The following FBXO42 variants were observed in gnomAD, a reference collection of about 807,000 sequenced individuals.
FBXO42 encodes F-box only protein 42.
In FBXO42, 12 loss-of-function variants were observed where a neutral mutation model predicts 71.7. The observed-to-expected ratio is 0.17, with a 90% CI of 0.11 to 0.27. FBXO42 has a LOEUF of 0.27. Among genes scored for constraint, FBXO42 ranks in the 10% least tolerant of loss-of-function variants. The probability of loss-of-function intolerance (pLI) is 1.00; values close to 1 mark genes in which losing one functional copy is unlikely to be tolerated. For synonymous variants in FBXO42, 325 were observed against 327.5 expected (o/e 0.99, Z 0.08); for missense variants, 707 against 911.9 (o/e 0.78, Z 2.89).
intron 3 of FBXO42, among the ~76,000 whole-genome samples, chr1:16,296,666 A>C (rs1569876811): frequency 6.6e-6 from 1 of 151,504 alleles, no homozygotes. Flanking sequence ...AAAAAAAAAA[A>C]AACAAAAACA....
chr1:16,265,314 C>T (rs2081759222), intron 4 of FBXO42, among the ~76,000 whole-genome samples: 1 of 152,150 alleles, frequency 6.6e-6, no homozygotes, highest in African/African-American at 2.4e-5. Context: ...TGGTCTCGAA[C>T]TCCCAACCTC....
At chr1:16,348,472 G>A (rs993803079) in intron 1 of FBXO42, among the ~76,000 whole-genome samples, 1 of 152,124 alleles carries the variant, frequency 6.6e-6, no homozygotes, top group African/African-American at 2.4e-5. Flanking sequence ...GCAAAGGTGG[G>A]CGGATCACAT....
chr1:16,320,632 T>C (rs1157265969), intron 1 of FBXO42, among the ~76,000 whole-genome samples: 2 of 151,824 alleles, frequency 1.3e-5, no homozygotes, highest in Non-Finnish European at 2.9e-5. Context: ...GCCTCCCAAG[T>C]AGCTGGCGCA....
chr1:16,327,625 A>G (rs1408701567), intron 1 of FBXO42, among the ~76,000 whole-genome samples: 1 of 152,218 alleles, frequency 6.6e-6, no homozygotes, highest in African/African-American at 2.4e-5. Context: ...AGTAACACAG[A>G]AAAGTGACCA....
intron 4 of FBXO42, among the ~76,000 whole-genome samples, chr1:16,288,266 C>T (rs1019342348): frequency 1.3e-5 from 2 of 151,620 alleles, no homozygotes; most frequent in Non-Finnish European, 2.9e-5. Flanking sequence ...CCCATCTCTA[C>T]CAAAAATACA....
Position 16,250,763 on chromosome 1 carries a change from T to C in FBXO42, c.2061A>G (p.Glu687=). 1 of 1,614,088 alleles carries C rather than the reference T, an allele frequency of 6.2e-7. No homozygotes were observed. Among genetic ancestry groups the C allele is most frequent in the Non-Finnish European group, 8.5e-7 (1 of 1,180,020 alleles). The stretch of plus-strand genomic sequence containing the variant: ...CCATGAGTCCTCCAAATATGATGAG[T>C]TCACCCCTGCCTTGTACCACGGTAT... ...SLHTVVQGRG[E]LIIFGGLMDK... Residue 687 remains glutamate, a synonymous_variant, in exon 10 of 10, where the codon GAA becomes GAG. Transcript: ENST00000375592. The surrounding 1 kb of genome is among the most constrained non-coding windows in gnomAD (Gnocchi z 4.7).
chr1:16,327,076 A>T (rs1330762268), intron 1 of FBXO42, among the ~76,000 whole-genome samples: 1 of 152,122 alleles, frequency 6.6e-6, no homozygotes, highest in Non-Finnish European at 1.5e-5. Flanking sequence ...ACTACTTGAG[A>T]GCAGAGACTA....
chr1:16,320,927 A>G (rs868757926), intron 1 of FBXO42, among the ~76,000 whole-genome samples: 14 of 152,176 alleles, frequency 9.2e-5, no homozygotes, highest in Non-Finnish European at 1.0e-4. Flanking sequence ...TAAATTAAAT[A>G]GTTGCTCCCT....
In FBXO42 at chr1:16,246,963, T is replaced by C. The variant is rs936981031; in HGVS notation, c.*3707A>G. On this transcript the variant is annotated 3_prime_UTR_variant, in exon 10 of 10. Coordinates refer to ENST00000375592, the MANE Select transcript of FBXO42 (RefSeq NM_018994.3). ...TCCATGTTTCATTCCTACACTGTTATGTGCCCAAAATGACTATCTCAGGGT... is the reference window on the plus strand; with the variant it reads ...TCCATGTTTCATTCCTACACTGTTACGTGCCCAAAATGACTATCTCAGGGT... 1 of 152,252 alleles carries C rather than the reference T, an allele frequency of 6.6e-6. No individual in the cohort carries two copies. The highest frequency in any genetic ancestry group is 1.5e-5 in the Non-Finnish European group (1 of 68,046). 9.4% of individuals were successfully genotyped at this position (152,252 alleles called of 1,614,324 possible).
chr1:16,330,728 G>A (rs2082491628), intron 1 of FBXO42, among the ~76,000 whole-genome samples: 1 of 151,938 alleles, frequency 6.6e-6, no homozygotes, highest in African/African-American at 2.4e-5. Context: ...ATCACCTGAG[G>A]TCAGGAGTTT....
At chr1:16,284,540 TAAAA>T (rs941808702) in intron 4 of FBXO42, among the ~76,000 whole-genome samples, 1 of 152,036 alleles carries the variant, frequency 6.6e-6, no homozygotes, top group Non-Finnish European at 1.5e-5. Context: ...TCTGTCATCT[TAAAA>T]AAACGAGCTG....
intron 3 of FBXO42, among the ~76,000 whole-genome samples, chr1:16,298,846 A>G (rs1181889522): frequency 6.6e-6 from 1 of 151,974 alleles, no homozygotes; most frequent in Admixed American, 6.6e-5. Flanking sequence ...ACTAGTGTCC[A>G]TTATAACATT....
chr1:16,343,488 G>A (rs1224248439), intron 1 of FBXO42, among the ~76,000 whole-genome samples: 4 of 152,108 alleles, frequency 2.6e-5, no homozygotes, highest in African/African-American at 9.7e-5. Context: ...AGAGGTTGTA[G>A]TAAGCAGAGA....
chr1:16,288,714 T>C (rs1489551926), intron 4 of FBXO42, among the ~76,000 whole-genome samples: 1 of 151,992 alleles, frequency 6.6e-6, no homozygotes, highest in Non-Finnish European at 1.5e-5. Flanking sequence ...TCCCAGCACT[T>C]TGGGAGGCCA....
intron 4 of FBXO42, among the ~76,000 whole-genome samples, chr1:16,288,186 T>A (rs1241319341): frequency 6.6e-6 from 1 of 151,286 alleles, no homozygotes; most frequent in South Asian, 2.1e-4. Context: ...AAGCGTGTAA[T>A]CCCAGGAGGC....
In FBXO42 at chr1:16,306,746, C is replaced by A. The variant is rs142031548; in HGVS notation, c.251-827G>T. ...ACAGGGTCTCGCTCTGCTACCCAGG[C>A]TGCAGTGGCATGCATGACTTTAGCT... On this transcript the variant is annotated intron_variant, in intron 2 of 9. Coordinates refer to ENST00000375592, the MANE Select transcript of FBXO42 (RefSeq NM_018994.3). Among the ~76,000 whole-genome samples, 44 of 152,230 alleles carry A rather than the reference C, an allele frequency of 2.9e-4. No individual in the cohort carries two copies. In the East Asian group the frequency reaches 7.5e-3, roughly 26 times the overall value.
In FBXO42 at chr1:16,251,206, G is replaced by A. The variant is rs2081587926; in HGVS notation, c.1618C>T (p.Pro540Ser). ...GCAAGGGCACTGGCCACGTGAGGTG[G>A]GGTATGCACACCATTTGTCTGTTCA... ...PPEQTNGVHT[P>S]PHVASALAGA... is the part of the protein sequence containing the mutation. The change falls in exon 10 of 10, where the codon CCA (proline) becomes TCA (serine). Residue 540 changes from proline to serine, a missense_variant. This residue lies in a region of FBXO42 where 482 missense variants were observed against 587.1 expected (regional missense o/e 0.82). Transcript: ENST00000375592. The surrounding 1 kb of genome is among the most constrained non-coding windows in gnomAD (Gnocchi z 4.5). 1 of 1,614,024 alleles carries A rather than the reference G, an allele frequency of 6.2e-7. No individual in the cohort carries two copies. The highest frequency in any genetic ancestry group is 1.3e-5 in the African/African-American group (1 of 74,912).
intron 2 of FBXO42, among the ~76,000 whole-genome samples, chr1:16,310,851 C>G (rs932568550): frequency 2.6e-5 from 4 of 151,422 alleles, no homozygotes; most frequent in African/African-American, 9.7e-5. Flanking sequence ...ACAGTGAAAC[C>G]CTGTCTCTGC....
intron 4 of FBXO42, among the ~76,000 whole-genome samples, chr1:16,261,856 G>A (rs773580228): frequency 6.6e-6 from 1 of 151,578 alleles, no homozygotes; most frequent in South Asian, 2.1e-4. Flanking sequence ...GGCACCCCCC[G>A]CCATGCTCAA....
Sources: allele counts gnomAD v4.1 joint callset (sites outside exome capture counted in the v4.1 genomes callset), GRCh38; gene constraint gnomAD v4.1.1; regional missense constraint gnomAD v4.1.1; non-coding constraint Gnocchi (gnomAD v3.1); transcripts MANE v1.5; gene names NCBI Gene and HGNC (gene_info 2026-07-23, HGNC 2026-07-21).